Variants in SEC61A1 observed in about 807,000 individuals in gnomAD.
SEC61A1 encodes SEC61 translocon subunit alpha 1, also known as protein transport protein Sec61 subunit alpha isoform 1.
SEC61A1 carries 15 observed loss-of-function variants against 55.2 expected under a neutral mutation model. The ratio of observed to expected loss-of-function variants is 0.27; its 90% confidence interval spans 0.18 to 0.42. SEC61A1 has a LOEUF of 0.42. SEC61A1 is among the 10% of genes least tolerant of loss of function. The probability of loss-of-function intolerance (pLI) is 1.00; values close to 1 mark genes in which losing one functional copy is unlikely to be tolerated. For synonymous variants in SEC61A1, 247 were observed against 234.0 expected (o/e 1.06, Z -0.51); for missense variants, 284 against 602.6 (o/e 0.47, Z 5.53).
At chr3:128,055,280 CTG>C (rs1021935252) in intron 2 of SEC61A1, among the ~76,000 whole-genome samples, 10 of 152,136 alleles carry the variant, frequency 6.6e-5, no homozygotes, top group Admixed American at 5.2e-4. Context: ...AGGTAATGCT[CTG>C]TGGTGTGAGG....
intron 1 of SEC61A1, 103 bp from the exon 2 acceptor site, chr3:128,052,732 T>C: frequency 3.4e-6 from 5 of 1,486,312 alleles, no homozygotes; most frequent in Non-Finnish European, 4.6e-6. Flanking sequence ...CCGGCTCCCC[T>C]GGCCCCTGCT....
In SEC61A1 at chr3:128,065,151, G is replaced by A. The variant is rs1428776365; in HGVS notation, c.777+114G>A. 42 of 1,168,388 alleles carry A rather than the reference G, an allele frequency of 3.6e-5. No individual in the cohort carries two copies. In the East Asian group the frequency reaches 7.2e-4, roughly 20 times the overall value. The allele number at this position is 1,168,388 out of a possible 1,614,324, so 72.4% of individuals were successfully genotyped here. On this transcript the variant is annotated intron_variant, in intron 8 of 11. Transcript: ENST00000243253. ...CACTGTCATCATATTGTGTTGAAAC[G>A]ATGAGATGGTATTTGAAGGCAGCAG...
Position 128,064,896 on chromosome 3 carries a change from TATC to T in SEC61A1, c.640_642del (p.Ile214del). On this transcript the variant is annotated inframe_deletion, in exon 8 of 12. Coordinates refer to ENST00000243253, the MANE Select transcript of SEC61A1 (RefSeq NM_013336.4). ...CAACAGGAATGGAATTTGAAGGTGC[TATC>T]ATCGCACTTTTCCATCTGCTGGCCA... The T allele has an allele frequency of 6.2e-7, 1 of 1,609,180 alleles. No homozygotes were observed. The highest frequency in any genetic ancestry group is 8.5e-7 in the Non-Finnish European group (1 of 1,176,998).
chr3:128,066,988 G>A lies in SEC61A1; in HGVS notation c.812G>A (p.Arg271His), dbSNP rs908537039. 20 of 1,614,050 alleles carry A rather than the reference G, an allele frequency of 1.2e-5. No individual in the cohort carries two copies. Among genetic ancestry groups the A allele is most frequent in the East Asian group, 2.2e-5 (1 of 44,898 alleles). ...GTGGACCTGCCAATCAAGTCGGCCC[G>A]CTACCGTGGCCAGTACAACACCTAT... ...FRVDLPIKSA[R>H]YRGQYNTYPI... The change falls in exon 9 of 12, where the codon CGC becomes CAC. Residue 271 changes from arginine (R) to histidine (H), a missense_variant. Physicochemically the swap from Arg to His is conservative, Grantham distance 29. Transcript: ENST00000243253.
chr3:128,053,959 A>T (rs570665223), intron 2 of SEC61A1, among the ~76,000 whole-genome samples: 1 of 152,384 alleles, frequency 6.6e-6, no homozygotes, highest in East Asian at 1.9e-4. Context: ...AGGAATTCCA[A>T]ATAAAAGGAG....
In SEC61A1 at chr3:128,052,825, C is replaced by T. The variant is rs1339462044; in HGVS notation, c.8-10C>T. On this transcript the variant is annotated splice_polypyrimidine_tract_variant and intron_variant, in intron 1 of 11. Transcript: ENST00000243253. ...TCCCAACTCTTCCTGTTTTGTTTCT[C>T]CCATCAAAGTCAAATTTCTGGAAGT... The T allele has an allele frequency of 2.5e-6, 4 of 1,612,404 alleles. No individual in the cohort carries two copies. The highest frequency in any genetic ancestry group is 4.5e-5 in the East Asian group (2 of 44,864).
In SEC61A1 at chr3:128,055,780, TA is replaced by T. The variant is rs1559794458; in HGVS notation, c.220+30del. ...GGACTCTGGCTCTGTCTTTTCTCTG[TA>T]GAGTGTAGGCTTACCTAGCTTCACT... On this transcript the variant is annotated intron_variant, in intron 4 of 11. Coordinates refer to ENST00000243253, the MANE Select transcript of SEC61A1 (RefSeq NM_013336.4). 12 of 1,564,886 alleles carry T rather than the reference TA, an allele frequency of 7.7e-6. No homozygotes were observed. The East Asian group carries it at 2.7e-4, about 35-fold the overall frequency.
intron 7 of SEC61A1, among the ~76,000 whole-genome samples, chr3:128,063,991 C>T (rs1311897529): frequency 6.6e-6 from 1 of 152,182 alleles, no homozygotes; most frequent in Non-Finnish European, 1.5e-5. Flanking sequence ...CACTCCACCC[C>T]TAGGCCTGCC....
rs759770429 is a variant in SEC61A1, at chr3:128,069,491, C to T, written c.1260C>T (p.Ala420=). ...CCTCCCCCAGGTACATCCCCACAGC[C>T]GCGGCCTTTGGTGGGCTGTGCATCG... ...VHELNRYIPT[A]AAFGGLCIGA... Residue 420 remains alanine, a synonymous_variant, in exon 12 of 12, where the codon GCC becomes GCT. Coordinates refer to ENST00000243253, the MANE Select transcript of SEC61A1 (RefSeq NM_013336.4). 2.2e-5 allele frequency: 36 copies of T among 1,611,970 alleles called. No individual in the cohort carries two copies. The highest frequency in any genetic ancestry group is 1.8e-5 in the Non-Finnish European group (21 of 1,179,982).
rs1264010064 is a variant in SEC61A1 at position 128,071,657 on chromosome 3, CAAAT to C, written c.*1999_*2002del. 4 of 152,688 alleles carry C rather than the reference CAAAT, an allele frequency of 2.6e-5. No individual in the cohort carries two copies. Among genetic ancestry groups the C allele is most frequent in the Non-Finnish European group, 4.4e-5 (3 of 68,048 alleles). The allele number at this position is 152,688 out of a possible 1,614,324, so 9.5% of individuals were successfully genotyped here. ...TAACTGAGATAAGGTGAATAAGTGA[CAAAT>C]AAAGCCAGTTTTTTACAAGGTACTT... On this transcript the variant is annotated 3_prime_UTR_variant, in exon 12 of 12. Coordinates refer to ENST00000243253, the MANE Select transcript of SEC61A1 (RefSeq NM_013336.4).
intron 11 of SEC61A1, 67 bp from the exon 12 acceptor site, chr3:128,069,409 C>G (rs995516600): frequency 2.0e-6 from 3 of 1,485,792 alleles, no homozygotes; most frequent in African/African-American, 2.8e-5. Flanking sequence ...TCAGGTGAGC[C>G]TGTTGGCCGC....
rs1425539176 is a variant in SEC61A1 at position 128,066,987 on chromosome 3, C to T, written c.811C>T (p.Arg271Cys). ...FRVDLPIKSA[R>C]YRGQYNTYPI... ...AGTGGACCTGCCAATCAAGTCGGCCCGCTACCGTGGCCAGTACAACACCTA... is the reference window on the plus strand; with the variant it reads ...AGTGGACCTGCCAATCAAGTCGGCCTGCTACCGTGGCCAGTACAACACCTA... Residue 271 changes from arginine (R) to cysteine (C), a missense_variant, in exon 9 of 12, where the codon CGC (arginine) becomes TGC (cysteine). Coordinates refer to ENST00000243253, the MANE Select transcript of SEC61A1 (RefSeq NM_013336.4). 2 of 1,614,162 alleles carry T rather than the reference C, an allele frequency of 1.2e-6. No individual in the cohort carries two copies. Among genetic ancestry groups the T allele is most frequent in the Non-Finnish European group, 1.7e-6 (2 of 1,180,024 alleles).
At position 128,070,530 on chromosome 3, in the gene SEC61A1, A is replaced by G. The variant is rs534143695; in HGVS notation, c.*868A>G. On this transcript the variant is annotated 3_prime_UTR_variant, in exon 12 of 12. Transcript: ENST00000243253. ...GGAGACATTGTGGTAGCTATCAGAC[A>G]TGGACAGAAACTGACTTAGTGCTCA... 1.2e-4 allele frequency: 18 copies of G among 152,378 alleles called. No homozygotes were observed. The East Asian group carries it at 2.1e-3, about 18-fold the overall frequency. 9.4% of individuals were successfully genotyped at this position (152,378 alleles called of 1,614,324 possible).
chr3:128,051,834 G>A (rs886190881), upstream of SEC61A1: 59 of 1,535,646 alleles, frequency 3.8e-5, no homozygotes, highest in East Asian at 1.4e-3. Flanking sequence ...CATCCCATTC[G>A]TTCTCAGATG....
chr3:128,067,689 A>C lies in SEC61A1; in HGVS notation c.1167+77A>C. The C allele has an allele frequency of 8.5e-7, 1 of 1,174,924 alleles. No individual in the cohort carries two copies. The highest frequency in any genetic ancestry group is 1.2e-6 in the Non-Finnish European group (1 of 817,740). The allele number at this position is 1,174,924 out of a possible 1,614,324, so 72.8% of individuals were successfully genotyped here. On this transcript the variant is annotated intron_variant, in intron 10 of 11. Coordinates refer to ENST00000243253, the MANE Select transcript of SEC61A1 (RefSeq NM_013336.4). The surrounding 1 kb of genome is among the most constrained non-coding windows in gnomAD (Gnocchi z 4.1). ...AGGGGTGTGGACTTGTCACCTCATC[A>C]TAAATAATGGTCTGTGACGTGTGCA...
chr3:128,052,223 A>AC (rs1032897199), upstream of SEC61A1: 22 of 382,508 alleles, frequency 5.8e-5, no homozygotes, highest in African/African-American at 4.5e-4. Flanking sequence ...GCAGCCGCAC[A>AC]CCCCCAGTCC....
At chr3:128,059,568 T>C (rs1941825084) in intron 5 of SEC61A1, among the ~76,000 whole-genome samples, 1 of 152,142 alleles carries the variant, frequency 6.6e-6, no homozygotes, top group Non-Finnish European at 1.5e-5. Flanking sequence ...GTTTTCCTTT[T>C]AAAAGCACAT....
At chr3:128,055,898 C>CT in intron 4 of SEC61A1, 147 bp downstream of exon 4, 1 of 671,982 alleles carries the variant, frequency 1.5e-6, no homozygotes, top group Non-Finnish European at 2.6e-6. Context: ...GTTGAATAGC[C>CT]TTATTAAATG....
Position 128,067,496 on chromosome 3 carries a change from TTTGG to T in SEC61A1, c.1052_1055del (p.Phe351SerfsTer4). On this transcript the variant is annotated frameshift_variant, in exon 10 of 12. Coordinates refer to ENST00000243253, the MANE Select transcript of SEC61A1 (RefSeq NM_013336.4). LOFTEE classifies it high-confidence loss of function. The surrounding 1 kb of genome is among the most constrained non-coding windows in gnomAD (Gnocchi z 4.1). Reference sequence around the variant, plus strand: ...CTATTACCTGTCCCCTCCAGAATCTTTTGGCTCCGTGTTAGAAGACCCGGTCCAT... The same window carrying T: ...CTATTACCTGTCCCCTCCAGAATCTTCTCCGTGTTAGAAGACCCGGTCCAT... The T allele has an allele frequency of 6.2e-7, 1 of 1,614,200 alleles. No homozygotes were observed. The highest frequency in any genetic ancestry group is 2.2e-5 in the East Asian group (1 of 44,882).
Sources: allele counts gnomAD v4.1 joint callset (sites outside exome capture counted in the v4.1 genomes callset), GRCh38; gene constraint gnomAD v4.1.1; non-coding constraint Gnocchi (gnomAD v3.1); transcripts MANE v1.5; gene names NCBI Gene and HGNC (gene_info 2026-07-23, HGNC 2026-07-21).